CPNE7: variants seen among roughly 807,000 people sequenced by gnomAD.
CPNE7 encodes the protein copine 7.
In CPNE7, 78 loss-of-function variants were observed where a neutral mutation model predicts 66.5. That is an observed-to-expected ratio of 1.17 (90% confidence interval 0.98 to 1.42). CPNE7 has a LOEUF of 1.42. Ranked by LOEUF, CPNE7 falls within the 40% of genes most tolerant of loss-of-function variation. The pLI is 0.00. For missense variants in CPNE7, 1,012 were observed against 776.6 expected, an observed-to-expected ratio of 1.30 and a Z score of -3.60; for synonymous variants, 468 against 336.7, an observed-to-expected ratio of 1.39 and a Z score of -4.27.
rs1392776294 is a variant in CPNE7 at position 89,585,742 on chromosome 16, C to G, written c.737C>G (p.Ser246Cys). Residue 246 changes from serine (S) to cysteine (C), a missense_variant, in exon 7 of 15, where the codon TCT (serine) becomes TGT (cysteine). Ser to Cys is a moderately radical substitution (Grantham distance 112). Transcript: ENST00000319518. ...AAGCACGACTTCATCGGAGAATTCT[C>G]TACCACCTTCGAGGAGATGCAGAAG... ...RGKHDFIGEF[S>C]TTFEEMQKAF... The G allele has an allele frequency of 3.9e-6, 6 of 1,544,932 alleles. No homozygotes were observed. The highest frequency in any genetic ancestry group is 1.4e-5 in the African/African-American group (1 of 70,654).
chr16:89,577,474 G>A, intron 1 of CPNE7, 65 bp from the exon 2 acceptor site: 5 of 1,498,560 alleles, frequency 3.3e-6, no homozygotes, highest in Non-Finnish European at 4.5e-6. Flanking sequence ...GCAGAGGGGA[G>A]ATGGAGGTCT....
At chr16:89,578,045 CTTTTTTCTT>C (rs1222437542) in intron 2 of CPNE7, among the ~76,000 whole-genome samples, 1 of 147,730 alleles carries the variant, frequency 6.8e-6, no homozygotes, top group African/African-American at 2.5e-5. Flanking sequence ...CACTTTTCCT[CTTTTTTCTT>C]TTTTTTCTTT....
At chr16:89,595,236 A>T in intron 13 of CPNE7, 131 bp from the exon 14 acceptor site, 1 of 695,434 alleles carries the variant, frequency 1.4e-6, no homozygotes, top group Non-Finnish European at 2.5e-6. Context: ...TGTAGGCATC[A>T]CACTCTGAAG....
At chr16:89,593,576 TCTC>T (rs2059208026) in intron 13 of CPNE7, among the ~76,000 whole-genome samples, 1 of 151,856 alleles carries the variant, frequency 6.6e-6, no homozygotes, top group African/African-American at 2.4e-5. Context: ...ATGGTCTCGA[TCTC>T]CTGACCTCGT....
chr16:89,576,490 AGC>A (rs1220019373), intron 1 of CPNE7, among the ~76,000 whole-genome samples: 3 of 151,484 alleles, frequency 2.0e-5, no homozygotes, highest in African/African-American at 4.9e-5. Flanking sequence ...CCGGCGAGGG[AGC>A]GCGCGCTGGG....
intron 13 of CPNE7, among the ~76,000 whole-genome samples, chr16:89,593,327 A>G (rs1215315758): frequency 6.6e-6 from 1 of 151,836 alleles, no homozygotes; most frequent in East Asian, 1.9e-4. Flanking sequence ...GTCCGAGAGC[A>G]CGTTGCAACA....
chr16:89,584,188 G>C lies in CPNE7; in HGVS notation c.507+86G>C. On this transcript the variant is annotated intron_variant, in intron 4 of 14. Transcript: ENST00000319518. The surrounding 1 kb of genome is among the most constrained non-coding windows in gnomAD (Gnocchi z 6.0). ...CCGGTCCCTGCCCAGCGCTGACCTC[G>C]CGTGGCTATGTCCCGTGTGAGACGT... is the stretch of plus-strand genomic sequence containing the variant. 3 of 1,363,050 alleles carry C rather than the reference G, an allele frequency of 2.2e-6. No homozygotes were observed. The South Asian group carries it at 3.9e-5, about 18-fold the overall frequency. The allele number at this position is 1,363,050 out of a possible 1,614,324, so 84.4% of individuals were successfully genotyped here.
At position 89,595,423 on chromosome 16, in the gene CPNE7, A is replaced by T; in HGVS notation, c.1359A>T (p.Thr453=). The T allele has an allele frequency of 6.2e-7, 1 of 1,606,452 alleles. No individual in the cohort carries two copies. The highest frequency in any genetic ancestry group is 8.5e-7 in the Non-Finnish European group (1 of 1,175,308). ...GCGTGGTGACCGACATGGCCGACAC[A>T]CGGGAGGCCATTGTGCGTGCCTCAC... is the stretch of plus-strand genomic sequence containing the variant. ...TDGVVTDMAD[T]REAIVRASRL... is the part of the protein sequence containing the mutation. Residue 453 remains threonine (T), a synonymous_variant, in exon 14 of 15, where the codon ACA becomes ACT. Transcript: ENST00000319518.
chr16:89,579,696 C>CA (rs1435638672), intron 2 of CPNE7, among the ~76,000 whole-genome samples: 6 of 142,238 alleles, frequency 4.2e-5, no homozygotes, highest in African/African-American at 1.7e-4. Flanking sequence ...CCGTCATCTG[C>CA]TCACATGGAA....
At position 89,596,464 on chromosome 16, in the gene CPNE7, T is replaced by G. The variant is rs374128329; in HGVS notation, c.1540-20T>G. On this transcript the variant is annotated intron_variant, in intron 14 of 14. Coordinates refer to ENST00000319518, the MANE Select transcript of CPNE7 (RefSeq NM_153636.3). ...CCATCTCGAAGGTCCCAGAGGTAAC[T>G]GCGTTGTCCCATCCTCCAGGCATCC... 2.5e-6 allele frequency: 4 copies of G among 1,596,490 alleles called. No homozygotes were observed. The East Asian group carries it at 9.0e-5, about 36-fold the overall frequency.
chr16:89,591,339 A>G, intron 13 of CPNE7, 79 bp downstream of exon 13: 1 of 1,453,588 alleles, frequency 6.9e-7, no homozygotes, highest in African/African-American at 1.4e-5. Flanking sequence ...TCAGGGAGGC[A>G]CCTGGCAGAG....
rs142719097 is a variant in CPNE7, at chr16:89,591,547, A to G, written c.1302+287A>G. On this transcript the variant is annotated intron_variant, in intron 13 of 14. Transcript: ENST00000319518. Reference sequence around the variant, plus strand: ...GCACCACAAGGCCGCGCACATGTCTACTGTTTGGCTGTGTGTGTATCGTCA... The same window carrying G: ...GCACCACAAGGCCGCGCACATGTCTGCTGTTTGGCTGTGTGTGTATCGTCA... Among the ~76,000 whole-genome samples the G allele has an allele frequency of 1.4e-4, 22 of 152,080 alleles. 1 individual carries two copies. In the East Asian group the frequency reaches 2.7e-3, roughly 19 times the overall value.
chr16:89,583,312 G>A, intron 2 of CPNE7: 1 of 849,386 alleles, frequency 1.2e-6, no homozygotes, highest in Non-Finnish European at 1.9e-6. Flanking sequence ...TCTCACCTGG[G>A]CCTGGAGAGG....
chr16:89,581,644 A>G (rs932202694), intron 2 of CPNE7, among the ~76,000 whole-genome samples: 1 of 152,144 alleles, frequency 6.6e-6, no homozygotes, highest in African/African-American at 2.4e-5. Context: ...AAATATGGAC[A>G]TGCTTTTTTT....
intron 2 of CPNE7, among the ~76,000 whole-genome samples, chr16:89,581,033 G>A (rs554455142): frequency 5.4e-4 from 78 of 144,334 alleles, no homozygotes; most frequent in African/African-American, 1.9e-3. Context: ...CCCGTCACAC[G>A]GAACATCCCG....
In CPNE7 at chr16:89,589,789, C is replaced by G. The variant is rs773520184; in HGVS notation, c.1062-108C>G. The G allele has an allele frequency of 3.1e-5, 38 of 1,216,560 alleles. No homozygotes were observed. The East Asian group carries it at 8.6e-4, about 28-fold the overall frequency. 75.4% of individuals were successfully genotyped at this position (1,216,560 alleles called of 1,614,324 possible). A position where few individuals can be genotyped will look rare whatever the true frequency, so the allele number is the denominator to read the frequency against. On this transcript the variant is annotated intron_variant, in intron 10 of 14. Transcript: ENST00000319518. The stretch of plus-strand genomic sequence containing the variant: ...AGGTGCTTACTGCCGTGGTACCAGG[C>G]CTGGGCACCCCCAGTCTTTTGGGCG...
intron 14 of CPNE7, chr16:89,596,039 C>T (rs2059250509): frequency 6.5e-6 from 3 of 460,136 alleles, no homozygotes; most frequent in South Asian, 5.1e-5. Flanking sequence ...CACATGAGGC[C>T]CTACAGCAAG....
At chr16:89,595,730 C>T in intron 14 of CPNE7, 127 bp downstream of exon 14, 1 of 864,082 alleles carries the variant, frequency 1.2e-6, no homozygotes, top group Non-Finnish European at 1.9e-6. Flanking sequence ...TCTGGGGGAT[C>T]CTGGGCTGTT....
intron 9 of CPNE7, 92 bp downstream of exon 9, chr16:89,587,194 C>G (rs2059062492): frequency 1.6e-6 from 1 of 639,570 alleles, no homozygotes; most frequent in African/African-American, 2.3e-5. Context: ...CCTCCCCGCC[C>G]CCTCAGTCTG....
Sources: gnomAD v4.1 joint callset for allele counts (sites outside exome capture counted in the v4.1 genomes callset) on GRCh38, gnomAD v4.1.1 for gene constraint, Gnocchi (gnomAD v3.1) non-coding constraint, MANE v1.5 for transcripts, NCBI Gene and HGNC (gene_info 2026-07-23, HGNC 2026-07-21) for gene names.